CRHR2: variants seen among roughly 807,000 people sequenced by gnomAD.
CRHR2 encodes corticotropin releasing hormone receptor 2, also known as corticotropin-releasing hormone receptor 2.
A neutral mutation model predicts 57.9 loss-of-function variants in CRHR2; 53 were observed. The observed-to-expected ratio is 0.92, with a 90% CI of 0.73 to 1.15. The LOEUF is 1.15. CRHR2 is among the 50% of genes most tolerant of loss of function. The pLI is 0.00. For synonymous variants in CRHR2, 213 were observed against 220.9 expected, an observed-to-expected ratio of 0.96 and a Z score of 0.32; for missense variants, 532 against 542.6, an observed-to-expected ratio of 0.98 and a Z score of 0.19.
chr7:30,658,372 G>A (rs1359939903), intron 8 of CRHR2, among the ~76,000 whole-genome samples: 9 of 152,170 alleles, frequency 5.9e-5, no homozygotes, highest in Admixed American at 1.3e-4. Flanking sequence ...AGGCATCAGC[G>A]ATGGCGAAGT....
chr7:30,666,406 T>C (rs1784185779), intron 3 of CRHR2, among the ~76,000 whole-genome samples: 1 of 152,202 alleles, frequency 6.6e-6, no homozygotes, highest in Non-Finnish European at 1.5e-5. Flanking sequence ...AGTGATGAAA[T>C]ACTCCTTCCT....
At chr7:30,678,268 A>C (rs146482298) in intron 2 of CRHR2, among the ~76,000 whole-genome samples, 1 of 152,344 alleles carries the variant, frequency 6.6e-6, no homozygotes, top group African/African-American at 2.4e-5. Flanking sequence ...TTCTGTTACA[A>C]GTGACTTCAT....
chr7:30,675,511 G>C (rs780748453), intron 2 of CRHR2, among the ~76,000 whole-genome samples: 2 of 152,256 alleles, frequency 1.3e-5, no homozygotes, highest in African/African-American at 4.8e-5. Flanking sequence ...AGCAGCCGCT[G>C]TCTCTAAAGC....
At chr7:30,673,306 C>T (rs1279464954) in intron 2 of CRHR2, among the ~76,000 whole-genome samples, 1 of 152,048 alleles carries the variant, frequency 6.6e-6, no homozygotes, top group Non-Finnish European at 1.5e-5. Flanking sequence ...AACTCCTATA[C>T]TCAAGTGATC....
chr7:30,689,403 A>T lies in CRHR2; in HGVS notation c.-260-119T>A, dbSNP rs1784916443. On this transcript the variant is annotated intron_variant, in intron 1 of 13. Transcript: ENST00000341843. ...TACTCCTCTTAGTACAGAGAGGGAGAACAAGGAGGGAGATGCCCATGGCCA... is the reference window on the plus strand; with the variant it reads ...TACTCCTCTTAGTACAGAGAGGGAGTACAAGGAGGGAGATGCCCATGGCCA... The T allele has an allele frequency of 8.3e-6, 7 of 844,934 alleles. No individual in the cohort carries two copies. In the South Asian group the frequency reaches 1.1e-4, roughly 13 times the overall value. The allele number at this position is 844,934 out of a possible 1,614,324, so 52.3% of individuals were successfully genotyped here.
rs891043329 is a variant in CRHR2 at position 30,653,353 on chromosome 7, T to C, written c.*107A>G. The C allele has an allele frequency of 4.1e-6, 6 of 1,454,942 alleles. No individual in the cohort carries two copies. The highest frequency in any genetic ancestry group is 4.2e-5 in the Admixed American group (2 of 47,672). The allele number at this position is 1,454,942 out of a possible 1,614,324, so 90.1% of individuals were successfully genotyped here. A position where few individuals can be genotyped will look rare whatever the true frequency, so the allele number is the denominator to read the frequency against. Reference sequence around the variant, plus strand: ...CTTTCCTGCCAGGCTGGAGAGCTGGTCTCTCCCCTCCCATCTCCTGCCCCA... The same window carrying C: ...CTTTCCTGCCAGGCTGGAGAGCTGGCCTCTCCCCTCCCATCTCCTGCCCCA... On this transcript the variant is annotated 3_prime_UTR_variant, in exon 12 of 12. Transcript: ENST00000471646. This position sits in a 1 kb window ranked among gnomAD's most constrained non-coding sequence, Gnocchi z 5.0.
At chr7:30,699,764 C>G (rs1785130862) in intron 1 of CRHR2, 2 of 514,402 alleles carry the variant, frequency 3.9e-6, no homozygotes, top group African/African-American at 2.1e-5. Flanking sequence ...CCGATCCAGC[C>G]CAGCCACCAG....
Position 30,662,226 on chromosome 7 carries a change from G to A in CRHR2, c.698-10C>T, listed in dbSNP as rs1182270808. 10 of 1,614,122 alleles carry A rather than the reference G, an allele frequency of 6.2e-6. No homozygotes were observed. Among genetic ancestry groups the A allele is most frequent in the East Asian group, 4.5e-5 (2 of 44,870 alleles). ...ATGGGGAAGGGGATGCCTGAAAGAA[G>A]GAAAGACTTGGGCTGCAGGGGACAG... On this transcript the variant is annotated splice_polypyrimidine_tract_variant and intron_variant, in intron 6 of 11. Transcript: ENST00000471646.
intron 2 of CRHR2, among the ~76,000 whole-genome samples, chr7:30,670,510 G>A (rs184473264): frequency 1.5e-3 from 227 of 152,332 alleles, no homozygotes; most frequent in African/African-American, 5.1e-3. Context: ...ATGCAGAAGC[G>A]GGAGGGGACT....
intron 3 of CRHR2, among the ~76,000 whole-genome samples, chr7:30,666,410 C>G (rs1784185935): frequency 6.6e-6 from 1 of 152,224 alleles, no homozygotes; most frequent in South Asian, 2.1e-4. Flanking sequence ...ATGAAATACT[C>G]CTTCCTGCCA....
Position 30,662,178 on chromosome 7 carries a change from T to C in CRHR2, c.736A>G (p.Lys246Glu), listed in dbSNP as rs1292763167. Residue 246 changes from lysine (K) to glutamate (E), a missense_variant, in exon 7 of 12, where the codon AAG becomes GAG. Transcript: ENST00000471646. ...TACTGTTCATTCTCATAGTAGAGCTTGCCGATGGCCCAGGCGACGATGATG... is the reference window on the plus strand; with the variant it reads ...TACTGTTCATTCTCATAGTAGAGCTCGCCGATGGCCCAGGCGACGATGATG... ...FPIIVAWAIG[K>E]LYYENEQCWF... is the part of the protein sequence containing the mutation. The C allele has an allele frequency of 6.2e-7, 1 of 1,614,140 alleles. No individual in the cohort carries two copies. Among genetic ancestry groups the C allele is most frequent in the Non-Finnish European group, 8.5e-7 (1 of 1,180,008 alleles).
intron 1 of CRHR2, among the ~76,000 whole-genome samples, chr7:30,693,971 G>T (rs1488450794): frequency 6.6e-6 from 1 of 152,174 alleles, no homozygotes; most frequent in Admixed American, 6.5e-5. Context: ...GCTGTTCTAG[G>T]GCAGAGAGCT....
At chr7:30,670,019 T>C (rs909924420) in intron 2 of CRHR2, among the ~76,000 whole-genome samples, 1 of 152,090 alleles carries the variant, frequency 6.6e-6, no homozygotes, top group Non-Finnish European at 1.5e-5. Flanking sequence ...TCTGAAGCAG[T>C]CCTTTCTTTG....
In CRHR2 at chr7:30,682,396, C is replaced by G. The variant is rs577205945; in HGVS notation, c.-116G>C. 5.7e-5 allele frequency: 79 copies of G among 1,375,500 alleles called. 1 individual carries two copies. The South Asian group carries it at 1.2e-3, about 21-fold the overall frequency. The allele number at this position is 1,375,500 out of a possible 1,614,324, so 85.2% of individuals were successfully genotyped here. A position where few individuals can be genotyped will look rare whatever the true frequency, so the allele number is the denominator to read the frequency against. ...GCGCGGGGTCCTGGCCCCCGCCAGC[C>G]CAGCCCCGATCTCCCGGGCAGCCTT... On this transcript the variant is annotated 5_prime_UTR_variant, in exon 1 of 12. Transcript: ENST00000471646.
chr7:30,662,883 T>C (rs1438911381), intron 5 of CRHR2, 36 bp from the exon 6 acceptor site: 3 of 1,608,890 alleles, frequency 1.9e-6, no homozygotes, highest in South Asian at 1.1e-5. Flanking sequence ...AGGAGGCAGC[T>C]TGGGGCCCAG....
chr7:30,673,394 G>A (rs1784424190), intron 2 of CRHR2, among the ~76,000 whole-genome samples: 1 of 151,796 alleles, frequency 6.6e-6, no homozygotes, highest in Non-Finnish European at 1.5e-5. Flanking sequence ...TTTTTTGTTT[G>A]TTTTGTAGAA....
intron 2 of CRHR2, 73 bp downstream of exon 2, chr7:30,681,842 A>G: frequency 6.6e-7 from 1 of 1,518,336 alleles, no homozygotes; most frequent in Non-Finnish European, 8.8e-7. Flanking sequence ...TGGGTCCGGA[A>G]TCCTCTTTAC....
At chr7:30,659,474 A>G (rs1165911875) in intron 8 of CRHR2, among the ~76,000 whole-genome samples, 1 of 151,966 alleles carries the variant, frequency 6.6e-6, no homozygotes, top group Non-Finnish European at 1.5e-5. Context: ...AAAGGATCTC[A>G]TGGGGTTTCC....
upstream of CRHR2, among the ~76,000 whole-genome samples, chr7:30,684,862 C>A (rs144145882): frequency 2.2e-4 from 33 of 152,302 alleles, no homozygotes; most frequent in African/African-American, 7.0e-4. Context: ...CCCCAAAATT[C>A]CCTCAATTTT....
Sources: gnomAD v4.1 joint callset for allele counts (sites outside exome capture counted in the v4.1 genomes callset) on GRCh38, gnomAD v4.1.1 for gene constraint, Gnocchi (gnomAD v3.1) non-coding constraint, MANE v1.5 for transcripts, NCBI Gene and HGNC (gene_info 2026-07-23, HGNC 2026-07-21) for gene names.